RICTOR: variants seen among roughly 807,000 people sequenced by gnomAD.
The protein encoded by RICTOR is RPTOR independent companion of MTOR complex 2.
In RICTOR, 49 loss-of-function variants were observed where a neutral mutation model predicts 214.9. That is an observed-to-expected ratio of 0.23 (90% confidence interval 0.18 to 0.29). The LOEUF is 0.29. Ranked by LOEUF, RICTOR falls within the 10% of genes least tolerant of loss-of-function variation. The probability of loss-of-function intolerance (pLI) is 1.00; values close to 1 mark genes in which losing one functional copy is unlikely to be tolerated. For missense variants in RICTOR, 1,625 were observed against 2,047.0 expected, an observed-to-expected ratio of 0.79 and a Z score of 3.98; for synonymous variants, 717 against 711.3, an observed-to-expected ratio of 1.01 and a Z score of -0.13.
intron 36 of RICTOR, among the ~76,000 whole-genome samples, chr5:38,943,713 T>C (rs550309626): frequency 6.6e-6 from 1 of 152,220 alleles, no homozygotes; most frequent in African/African-American, 2.4e-5. Flanking sequence ...CTTGGGAGGC[T>C]GAGGCAGGAG....
In RICTOR at chr5:38,945,713, C is replaced by T. The variant is rs1487198496; in HGVS notation, c.4411G>A (p.Gly1471Arg). The T allele has an allele frequency of 5.7e-6, 9 of 1,574,588 alleles. No homozygotes were observed. The highest frequency in any genetic ancestry group is 7.9e-6 in the Non-Finnish European group (9 of 1,144,310). ...GAATTTTTTACAAGACCTCCAGTTC[C>T]AGATGGAAGACCTGTGCATAAGTAA... Reference protein sequence around the residue: ...FAHDAGGLPSGTGGLVKNSFH... With the variant: ...FAHDAGGLPSRTGGLVKNSFH... The change falls in exon 34 of 38, where the codon GGA (glycine) becomes AGA (arginine). Residue 1471 changes from glycine (G) to arginine (R), a missense_variant. Coordinates refer to ENST00000357387, the MANE Select transcript of RICTOR (RefSeq NM_152756.5).
chr5:38,966,407 ATATT>A (rs1309374589), intron 15 of RICTOR, among the ~76,000 whole-genome samples: 4 of 152,270 alleles, frequency 2.6e-5, no homozygotes, highest in African/African-American at 9.6e-5. Flanking sequence ...TGCATGTTGT[ATATT>A]TATTCCATTT....
At chr5:39,028,445 G>A (rs1269494909) in intron 2 of RICTOR, among the ~76,000 whole-genome samples, 3 of 152,036 alleles carry the variant, frequency 2.0e-5, no homozygotes, top group Non-Finnish European at 2.9e-5. Flanking sequence ...GCCTCCCAAA[G>A]TGCTGGGATT....
At chr5:39,022,077 T>C (rs1755465513) in intron 2 of RICTOR, among the ~76,000 whole-genome samples, 1 of 152,206 alleles carries the variant, frequency 6.6e-6, no homozygotes, top group African/African-American at 2.4e-5. Flanking sequence ...TTACATGAAA[T>C]ATAATACATC....
At chr5:39,072,898 TAA>T (rs1225962752) in intron 2 of RICTOR, among the ~76,000 whole-genome samples, 2 of 152,232 alleles carry the variant, frequency 1.3e-5, no homozygotes, top group Non-Finnish European at 2.9e-5. Context: ...AATAAAATAT[TAA>T]GTTATAAAAA....
At chr5:38,977,883 C>A (rs1235914313) in intron 9 of RICTOR, among the ~76,000 whole-genome samples, 1 of 151,930 alleles carries the variant, frequency 6.6e-6, no homozygotes, top group Non-Finnish European at 1.5e-5. Context: ...ATTTTTAACT[C>A]AGGGGAAAAA....
intron 3 of RICTOR, among the ~76,000 whole-genome samples, chr5:39,008,541 A>G (rs932312884): frequency 5.9e-5 from 9 of 152,088 alleles, no homozygotes; most frequent in African/African-American, 2.2e-4. Flanking sequence ...AATTATTTAC[A>G]CAGGGTTGGG....
intron 2 of RICTOR, among the ~76,000 whole-genome samples, chr5:39,027,980 TAA>T (rs144660299): frequency 0.033 from 5,016 of 151,880 alleles, 136 homozygotes; most frequent in South Asian, 0.081. Context: ...TAAAAACAGG[TAA>T]AAGATTTAAA....
intron 2 of RICTOR, among the ~76,000 whole-genome samples, chr5:39,033,522 A>G (rs1021157385): frequency 2.0e-5 from 3 of 152,092 alleles, no homozygotes; most frequent in African/African-American, 7.2e-5. Flanking sequence ...TTGGCCTCCC[A>G]AAGTGCTGGG....
intron 2 of RICTOR, among the ~76,000 whole-genome samples, chr5:39,060,886 C>T (rs1038385574): frequency 6.6e-6 from 1 of 151,832 alleles, no homozygotes; most frequent in African/African-American, 2.4e-5. Flanking sequence ...GCTTCTGAAC[C>T]CCACCTCTCT....
At chr5:38,997,919 G>A (rs75283797) in intron 5 of RICTOR, among the ~76,000 whole-genome samples, 2,853 of 152,272 alleles carry the variant, frequency 0.019, 101 homozygotes, top group African/African-American at 0.065. Flanking sequence ...ACAGAAGAAA[G>A]TGAGCTAAAA....
intron 7 of RICTOR, among the ~76,000 whole-genome samples, chr5:38,990,736 G>GATATATCAGATATATATC (rs1580020197): frequency 3.4e-4 from 7 of 20,678 alleles, no homozygotes; most frequent in African/African-American, 7.5e-4. Flanking sequence ...TCATATATAT[G>GATATATCAGATATATATC]ATATATATGA....
At chr5:38,948,002 T>C (rs1013963181) in intron 31 of RICTOR, among the ~76,000 whole-genome samples, 3 of 150,314 alleles carry the variant, frequency 2.0e-5, no homozygotes, top group Non-Finnish European at 4.4e-5. Context: ...TAAAAAGCAC[T>C]GATATTTCCA....
At chr5:38,999,121 GA>G (rs1470983331) in intron 5 of RICTOR, among the ~76,000 whole-genome samples, 6 of 150,054 alleles carry the variant, frequency 4.0e-5, no homozygotes, top group African/African-American at 1.5e-4. Context: ...CTAGCAGGAT[GA>G]AAGGTTTTTA....
In RICTOR at chr5:39,058,706, C is replaced by T. The variant is rs149952880; in HGVS notation, c.97+15405G>A. Among the ~76,000 whole-genome samples, 18 of 152,184 alleles carry T rather than the reference C, an allele frequency of 1.2e-4. No homozygotes were observed. In the East Asian group the frequency reaches 3.5e-3, roughly 29 times the overall value. ...ACAAATATTGATATTTCCACATGAG[C>T]ACACTGTTGAACTGAGGATGTTTAT... On this transcript the variant is annotated intron_variant, in intron 2 of 37. Transcript: ENST00000357387.
At chr5:38,962,180 T>C (rs1309916714) in intron 19 of RICTOR, 135 bp downstream of exon 19, 6 of 398,822 alleles carry the variant, frequency 1.5e-5, no homozygotes, top group Non-Finnish European at 2.8e-5. Flanking sequence ...TAAAAATATA[T>C]ATGAGTACCT....
intron 2 of RICTOR, among the ~76,000 whole-genome samples, chr5:39,034,137 C>T (rs777457082): frequency 6.6e-6 from 1 of 152,178 alleles, no homozygotes; most frequent in Non-Finnish European, 1.5e-5. Context: ...ATCTACCAGG[C>T]CACTTCTGCG....
At chr5:38,980,946 T>C (rs892784637) in intron 8 of RICTOR, 2 of 152,116 alleles carry the variant, frequency 1.3e-5, no homozygotes, top group African/African-American at 4.8e-5. Context: ...AGAAAAAAAA[T>C]TAAAGCTAAA....
chr5:38,996,959 AACC>A, intron 5 of RICTOR, 77 bp from the exon 6 acceptor site: 2 of 942,736 alleles, frequency 2.1e-6, no homozygotes, highest in Non-Finnish European at 3.5e-6. Flanking sequence ...TGATAGATGA[AACC>A]CATTTTCACA....
Sources: allele counts gnomAD v4.1 joint callset (sites outside exome capture counted in the v4.1 genomes callset), GRCh38; gene constraint gnomAD v4.1.1; transcripts MANE v1.5; gene names NCBI Gene and HGNC (gene_info 2026-07-23, HGNC 2026-07-21).